The following ERC2 variants were observed in gnomAD, a reference collection of about 807,000 sequenced individuals.
ERC2 encodes the protein ELKS/RAB6-interacting/CAST family member 2.
Under a neutral mutation model 114.8 loss-of-function variants are expected in ERC2, and 42 were observed. That is an observed-to-expected ratio of 0.37 (90% confidence interval 0.29 to 0.47). ERC2 has a LOEUF of 0.47. Among genes scored for constraint, ERC2 ranks in the 20% least tolerant of loss-of-function variants. The probability of loss-of-function intolerance (pLI) is 0.99; values close to 1 mark genes in which losing one functional copy is unlikely to be tolerated. For synonymous variants in ERC2, 454 were observed against 425.5 expected (o/e 1.07, Z -0.82); for missense variants, 939 against 1,150.7 (o/e 0.82, Z 2.66).
At chr3:56,167,586 G>C (rs1258238244) in intron 4 of ERC2, among the ~76,000 whole-genome samples, 1 of 152,128 alleles carries the variant, frequency 6.6e-6, no homozygotes, top group Admixed American at 6.6e-5. Flanking sequence ...AAGGCAAATA[G>C]TTAAATGGGA....
chr3:56,097,854 A>T (rs1184396156), intron 6 of ERC2, among the ~76,000 whole-genome samples: 2 of 152,230 alleles, frequency 1.3e-5, no homozygotes, highest in East Asian at 3.9e-4. Context: ...GTCACTAGGC[A>T]TTTACCCATT....
intron 2 of ERC2, among the ~76,000 whole-genome samples, chr3:56,331,556 G>A (rs2057616049): frequency 6.6e-6 from 1 of 152,164 alleles, no homozygotes; most frequent in South Asian, 2.1e-4. Context: ...TTGGGCTCAG[G>A]AGCTTCTGGA....
intron 2 of ERC2, among the ~76,000 whole-genome samples, chr3:56,410,867 C>T (rs2060916344): frequency 6.6e-6 from 1 of 151,972 alleles, no homozygotes; most frequent in Admixed American, 6.6e-5. Flanking sequence ...CCACTATGTT[C>T]CCAATTTCAA....
In ERC2 at chr3:55,709,283, G is replaced by A. The variant is rs78556951; in HGVS notation, c.2713-9771C>T. Among the ~76,000 whole-genome samples the A allele has an allele frequency of 5.3e-3, 800 of 152,246 alleles. 8 individuals carry two copies. The highest frequency in any genetic ancestry group is 0.019 in the African/African-American group (771 of 41,542). ...CTTAAACAGGGCTATGAAGAGAGGG[G>A]TTCACATACCCTTGGAGGCAAGATA... On this transcript the variant is annotated intron_variant, in intron 15 of 17. Transcript: ENST00000288221.
At chr3:56,244,828 C>T (rs934345157) in intron 3 of ERC2, among the ~76,000 whole-genome samples, 1 of 152,148 alleles carries the variant, frequency 6.6e-6, no homozygotes, top group Non-Finnish European at 1.5e-5. Flanking sequence ...CACTGACTCA[C>T]CCAGAGCAAC....
Position 55,695,706 on chromosome 3 carries a change from G to A in ERC2, c.2847+3672C>T, listed in dbSNP as rs183188589. ...CGGTTGTGCAAAGCAAGAAGCTGCC[G>A]GAAAATCCCACCTTCTGATAAAAAA... On this transcript the variant is annotated intron_variant, in intron 16 of 17. Transcript: ENST00000288221. Among the ~76,000 whole-genome samples the A allele has an allele frequency of 1.8e-3, 274 of 152,198 alleles. 1 individual carries two copies. Among genetic ancestry groups the A allele is most frequent in the Middle Eastern group, 3.4e-3 (1 of 294 alleles).
At chr3:55,672,853 G>A (rs985100890) in intron 17 of ERC2, among the ~76,000 whole-genome samples, 12 of 152,202 alleles carry the variant, frequency 7.9e-5, no homozygotes, top group Admixed American at 2.6e-4. Flanking sequence ...TGCAGGCTTC[G>A]GGGCGTAGGA....
chr3:56,381,288 C>T (rs528927118), intron 2 of ERC2, among the ~76,000 whole-genome samples: 5 of 152,170 alleles, frequency 3.3e-5, no homozygotes, highest in East Asian at 1.9e-4. Flanking sequence ...CATTTGTTTT[C>T]GTATTACAAT....
At chr3:56,453,777 A>G (rs1449622255) in intron 1 of ERC2, among the ~76,000 whole-genome samples, 1 of 152,228 alleles carries the variant, frequency 6.6e-6, no homozygotes, top group African/African-American at 2.4e-5. Context: ...GTGCTTGGAC[A>G]TCGAGATGAA....
chr3:56,291,697 C>T (rs2055096485), intron 3 of ERC2, among the ~76,000 whole-genome samples: 1 of 152,088 alleles, frequency 6.6e-6, no homozygotes, highest in Non-Finnish European at 1.5e-5. Context: ...AACCTAAAAC[C>T]TCAAGTACAT....
chr3:56,295,647 T>C (rs935610570), intron 3 of ERC2, among the ~76,000 whole-genome samples: 1 of 152,202 alleles, frequency 6.6e-6, no homozygotes, highest in African/African-American at 2.4e-5. Context: ...GTGTTGCTAA[T>C]CCTATTTATT....
chr3:55,914,514 C>G (rs2064988497), intron 13 of ERC2, among the ~76,000 whole-genome samples: 1 of 152,188 alleles, frequency 6.6e-6, no homozygotes, highest in Non-Finnish European at 1.5e-5. Context: ...CCCAAATCCT[C>G]TTTCTGTTGA....
chr3:55,596,604 A>C (rs1005278745), intron 17 of ERC2, among the ~76,000 whole-genome samples: 7 of 152,224 alleles, frequency 4.6e-5, no homozygotes, highest in African/African-American at 1.7e-4. Context: ...TCAGTAAAAA[A>C]ATTAAATCTA....
At chr3:56,343,192 T>TCTCTCTCACACACACACACACACA (rs1376220124) in intron 2 of ERC2, among the ~76,000 whole-genome samples, 1 of 126,130 alleles carries the variant, frequency 7.9e-6, no homozygotes, top group African/African-American at 3.0e-5. Context: ...TCTCTCTCTC[T>TCTCTCTCACACACACACACACACA]CACACACACA....
intron 13 of ERC2, among the ~76,000 whole-genome samples, chr3:55,933,458 T>C (rs1423825178): frequency 6.6e-6 from 1 of 152,260 alleles, no homozygotes; most frequent in Admixed American, 6.5e-5. Flanking sequence ...GATACCTGTA[T>C]GCACTTAAAC....
intron 13 of ERC2, among the ~76,000 whole-genome samples, chr3:55,913,054 T>C (rs1379559349): frequency 1.3e-5 from 2 of 152,158 alleles, no homozygotes; most frequent in South Asian, 2.1e-4. Context: ...GGTGTGATCA[T>C]AGCTCACTGC....
chr3:56,271,892 T>A (rs570879139), intron 3 of ERC2, among the ~76,000 whole-genome samples: 1 of 152,326 alleles, frequency 6.6e-6, no homozygotes, highest in Admixed American at 6.5e-5. Context: ...GATGATGGTC[T>A]CCAGCTCCAT....
chr3:56,367,264 ATT>A (rs201408405), intron 2 of ERC2, among the ~76,000 whole-genome samples: 156 of 143,152 alleles, frequency 1.1e-3, no homozygotes, highest in African/African-American at 3.4e-3. Context: ...AATGGGCAGC[ATT>A]TTTTTTTTTT....
chr3:56,279,943 T>C (rs932893380), intron 3 of ERC2, among the ~76,000 whole-genome samples: 4 of 152,176 alleles, frequency 2.6e-5, no homozygotes, highest in African/African-American at 9.7e-5. Flanking sequence ...TCCCAAATCC[T>C]GTGTATATGT....
Sources: allele counts gnomAD v4.1 joint callset (sites outside exome capture counted in the v4.1 genomes callset), GRCh38; gene constraint gnomAD v4.1.1; transcripts MANE v1.5; gene names NCBI Gene and HGNC (gene_info 2026-07-23, HGNC 2026-07-21).